Variants in CRYZL1 observed in about 807,000 individuals in gnomAD.
The protein encoded by CRYZL1 is crystallin zeta like 1.
A neutral mutation model predicts 50.6 loss-of-function variants in CRYZL1; 34 were observed. The ratio of observed to expected loss-of-function variants is 0.67; its 90% CI spans 0.51 to 0.89. The LOEUF (loss-of-function observed/expected upper bound fraction) is 0.89, where lower values mean the gene tolerates loss of function less well. CRYZL1 is among the 40% of genes least tolerant of loss of function. The probability of loss-of-function intolerance (pLI) is 0.00; values close to 1 mark genes in which losing one functional copy is unlikely to be tolerated. For missense variants in CRYZL1, 354 were observed against 402.3 expected (o/e 0.88, Z 1.03); for synonymous variants, 125 against 134.3 (o/e 0.93, Z 0.48).
At chr21:33,637,350 A>C (rs972338394) in intron 1 of CRYZL1, among the ~76,000 whole-genome samples, 1 of 151,210 alleles carries the variant, frequency 6.6e-6, no homozygotes, top group Non-Finnish European at 1.5e-5. Context: ...GAGGCTGAGA[A>C]GGGAGAATGG....
At chr21:33,604,084 C>T (rs1363554212) in intron 6 of CRYZL1, among the ~76,000 whole-genome samples, 2 of 152,132 alleles carry the variant, frequency 1.3e-5, no homozygotes, top group Non-Finnish European at 2.9e-5. Flanking sequence ...AACCCCGTCT[C>T]TGGCCGGGCG....
intron 2 of CRYZL1, among the ~76,000 whole-genome samples, chr21:33,629,973 G>T (rs891065544): frequency 6.6e-6 from 1 of 152,078 alleles, no homozygotes; most frequent in South Asian, 2.1e-4. Flanking sequence ...TGGTTTTTCT[G>T]TATCTATTGA....
At chr21:33,641,167 G>T in intron 1 of CRYZL1, 1 of 1,550,264 alleles carries the variant, frequency 6.5e-7, no homozygotes, top group Non-Finnish European at 8.7e-7. Flanking sequence ...CCTATCCCAA[G>T]GCGATGCTTA....
At chr21:33,621,369 C>G (rs2086999074) in intron 4 of CRYZL1, among the ~76,000 whole-genome samples, 1 of 149,930 alleles carries the variant, frequency 6.7e-6, no homozygotes, top group Admixed American at 6.6e-5. Context: ...GAGACAGAGT[C>G]TCGCACTTGT....
Position 33,597,375 on chromosome 21 carries a change from G to C in CRYZL1, c.703C>G (p.Pro235Ala). ...GVRLYSKDDE[P>A]AVKLQLLPHK... ...GGTAGTAGTTGTAGTTTTACAGCTGGTTCATCATCTTTACTATATAATCTC... is the reference window on the plus strand; with the variant it reads ...GGTAGTAGTTGTAGTTTTACAGCTGCTTCATCATCTTTACTATATAATCTC... The change falls in exon 10 of 13, where the codon CCA (proline) becomes GCA (alanine). Residue 235 changes from proline (P) to alanine (A), a missense_variant. Pro to Ala is a conservative substitution (Grantham distance 27). Coordinates refer to ENST00000381554, the MANE Select transcript of CRYZL1 (RefSeq NM_145858.3). 6.3e-7 allele frequency: 1 copy of C among 1,592,778 alleles called. No individual in the cohort carries two copies. Among genetic ancestry groups the C allele is most frequent in the Non-Finnish European group, 8.6e-7 (1 of 1,160,672 alleles).
intron 7 of CRYZL1, chr21:33,603,084 G>A: frequency 4.0e-6 from 1 of 250,584 alleles, no homozygotes; most frequent in Non-Finnish European, 7.9e-6. Flanking sequence ...TGGGAAATAG[G>A]CTACAAAGCT....
chr21:33,616,570 A>G, intron 5 of CRYZL1, 136 bp downstream of exon 5: 2 of 1,527,968 alleles, frequency 1.3e-6, no homozygotes, highest in African/African-American at 1.4e-5. Flanking sequence ...GGGATTACAG[A>G]CGTGAGCCAC....
intron 5 of CRYZL1, among the ~76,000 whole-genome samples, chr21:33,614,943 A>G (rs1362007723): frequency 6.6e-6 from 1 of 152,180 alleles, no homozygotes; most frequent in Non-Finnish European, 1.5e-5. Flanking sequence ...TCACAAAAAG[A>G]ATCTTGAATA....
At position 33,637,227 on chromosome 21, in the gene CRYZL1, C is replaced by T. The variant is rs575592716; in HGVS notation, c.-7+4454G>A. 1.5e-3 allele frequency among the ~76,000 whole-genome samples: 230 copies of T among 152,080 alleles called. 1 individual carries two copies. In the Middle Eastern group the frequency reaches 0.024, roughly 16 times the overall value. On this transcript the variant is annotated intron_variant, in intron 1 of 12. Transcript: ENST00000381554. ...TTTGGAGGCCGAGGCGGGCGGATCA[C>T]GAGGTCAGGAGATGGCGACTATCCT...
intron 9 of CRYZL1, among the ~76,000 whole-genome samples, chr21:33,598,236 G>T (rs1348990919): frequency 6.6e-6 from 1 of 152,144 alleles, no homozygotes; most frequent in Non-Finnish European, 1.5e-5. Flanking sequence ...TTACTGAAAT[G>T]TCCATGTGAA....
At chr21:33,626,096 G>A (rs1017266874) in intron 2 of CRYZL1, among the ~76,000 whole-genome samples, 1 of 152,024 alleles carries the variant, frequency 6.6e-6, no homozygotes, top group Non-Finnish European at 1.5e-5. Context: ...TGGGATTACA[G>A]GCATGAGCCA....
At chr21:33,629,242 A>G (rs1294434961) in intron 2 of CRYZL1, among the ~76,000 whole-genome samples, 1 of 152,040 alleles carries the variant, frequency 6.6e-6, no homozygotes, top group Non-Finnish European at 1.5e-5. Context: ...AACAACAACA[A>G]CAACAACAAA....
At chr21:33,637,317 T>C (rs889538248) in intron 1 of CRYZL1, among the ~76,000 whole-genome samples, 4 of 151,238 alleles carry the variant, frequency 2.6e-5, no homozygotes, top group Non-Finnish European at 5.9e-5. Context: ...TGGTGGCGGG[T>C]GCCTGTAGTC....
chr21:33,592,842 A>G (rs1454683871), intron 11 of CRYZL1, among the ~76,000 whole-genome samples: 1 of 152,108 alleles, frequency 6.6e-6, no homozygotes, highest in Non-Finnish European at 1.5e-5. Flanking sequence ...ACCTGAGGTC[A>G]AGAGTTCGAG....
intron 11 of CRYZL1, 88 bp downstream of exon 11, chr21:33,595,643 C>G (rs1325546677): frequency 1.3e-6 from 2 of 1,563,600 alleles, no homozygotes; most frequent in Non-Finnish European, 1.7e-6. Context: ...AACTTAACTG[C>G]TATTATTATT....
Position 33,591,205 on chromosome 21 carries a change from T to G in CRYZL1, c.907A>C (p.Ile303Leu). The change falls in exon 12 of 13, where the codon ATC (isoleucine) becomes CTC (leucine). Residue 303 changes from isoleucine (I) to leucine (L), a missense_variant and splice_region_variant. Ile to Leu is a conservative substitution (Grantham distance 5). Transcript: ENST00000381554. ...SNVQQGKYLCILKDVMEKLST... is the reference protein window; with the variant it reads ...SNVQQGKYLCLLKDVMEKLST... Reference sequence around the variant, plus strand: ...AACTTCTCCATCACATCCTTTAAGATACGTAGCTGGAAGGATTGTTAAGGT... The same window carrying G: ...AACTTCTCCATCACATCCTTTAAGAGACGTAGCTGGAAGGATTGTTAAGGT... The G allele has an allele frequency of 1.2e-6, 2 of 1,609,548 alleles. No individual in the cohort carries two copies. The highest frequency in any genetic ancestry group is 8.5e-7 in the Non-Finnish European group (1 of 1,175,898).
At chr21:33,595,162 A>C in intron 11 of CRYZL1, 5 of 1,076,112 alleles carry the variant, frequency 4.6e-6, no homozygotes, top group Non-Finnish European at 5.7e-6. Flanking sequence ...TTTTTACTCA[A>C]CTGGAATGAT....
chr21:33,589,938 T>C lies in CRYZL1; in HGVS notation c.951-17A>G. 2 of 1,470,890 alleles carry C rather than the reference T, an allele frequency of 1.4e-6. No individual in the cohort carries two copies. Among genetic ancestry groups the C allele is most frequent in the Non-Finnish European group, 1.9e-6 (2 of 1,061,242 alleles). The allele number at this position is 1,470,890 out of a possible 1,614,324, so 91.1% of individuals were successfully genotyped here. A position where few individuals can be genotyped will look rare whatever the true frequency, so the allele number is the denominator to read the frequency against. Reference sequence around the variant, plus strand: ...AACTGAGGTCTGAGAAGGAATGAAATTAGAAATGTCAGGTCTAGTTAAAGA... The same window carrying C: ...AACTGAGGTCTGAGAAGGAATGAAACTAGAAATGTCAGGTCTAGTTAAAGA... On this transcript the variant is annotated splice_polypyrimidine_tract_variant and intron_variant, in intron 12 of 12. Coordinates refer to ENST00000381554, the MANE Select transcript of CRYZL1 (RefSeq NM_145858.3).
At chr21:33,624,318 AG>A (rs922179820) in intron 3 of CRYZL1, among the ~76,000 whole-genome samples, 40 of 152,178 alleles carry the variant, frequency 2.6e-4, no homozygotes, top group African/African-American at 9.7e-4. Context: ...AGACCGAGGC[AG>A]GTGGATCCCC....
Sources: gnomAD v4.1 joint callset for allele counts (sites outside exome capture counted in the v4.1 genomes callset) on GRCh38, gnomAD v4.1.1 for gene constraint, MANE v1.5 for transcripts, NCBI Gene and HGNC (gene_info 2026-07-23, HGNC 2026-07-21) for gene names.